The following MACC1 variants were observed in gnomAD, a reference collection of about 807,000 sequenced individuals.
MACC1 encodes the protein metastasis-associated in colon cancer protein 1.
Under a neutral mutation model 70.7 loss-of-function variants are expected in MACC1, and 79 were observed. The ratio of observed to expected loss-of-function variants is 1.12; its 90% confidence interval spans 0.93 to 1.35. MACC1 has a LOEUF of 1.35. Ranked by LOEUF, MACC1 falls within the 40% of genes most tolerant of loss-of-function variation. The pLI is 0.00. For missense variants in MACC1, 1,106 were observed against 978.1 expected, an observed-to-expected ratio of 1.13 and a Z score of -1.74; for synonymous variants, 361 against 347.2, an observed-to-expected ratio of 1.04 and a Z score of -0.44.
intron 1 of MACC1, among the ~76,000 whole-genome samples, chr7:20,173,171 A>G (rs1403845223): frequency 6.6e-6 from 1 of 152,216 alleles, no homozygotes; most frequent in South Asian, 2.1e-4. Flanking sequence ...TTTCTGGGAG[A>G]TAAATTGAGA....
At chr7:20,186,017 C>A (rs117969758) in intron 1 of MACC1, among the ~76,000 whole-genome samples, 1 of 147,956 alleles carries the variant, frequency 6.8e-6, no homozygotes. Flanking sequence ...TGGCGAATGT[C>A]CTTGGACCCT....
chr7:20,138,179 A>AAAAAAAAAAAAAAAAAAAAAAC lies in MACC1; in HGVS notation c.*2766_*2767insGTTTTTTTTTTTTTTTTTTTTT, dbSNP rs1562576802. On this transcript the variant is annotated 3_prime_UTR_variant, in exon 7 of 7. Transcript: ENST00000400331. ...AAAAAAAAAAAAAAAAAAAAAAAAA[A>AAAAAAAAAAAAAAAAAAAAAAC]AAATTTCCCCTGGAAGGATTTGTTA... 1.1e-4 allele frequency: 16 copies of AAAAAAAAAAAAAAAAAAAAAAC among 139,360 alleles called. No individual in the cohort carries two copies. The highest frequency in any genetic ancestry group is 2.1e-4 in the Admixed American group (3 of 14,272). 8.6% of individuals were successfully genotyped at this position (139,360 alleles called of 1,614,324 possible). A position where few individuals can be genotyped will look rare whatever the true frequency, so the allele number is the denominator to read the frequency against.
chr7:20,154,049 A>C (rs1422082340), intron 6 of MACC1, 144 bp downstream of exon 6: 7 of 736,994 alleles, frequency 9.5e-6, no homozygotes, highest in Non-Finnish European at 6.8e-6. Context: ...GATAGTACTG[A>C]TGAGTTACTA....
rs1782111569 is a variant in MACC1 at position 20,159,614 on chromosome 7, C to T, written c.747G>A (p.Val249=). 2 of 1,614,034 alleles carry T rather than the reference C, an allele frequency of 1.2e-6. No homozygotes were observed. Among genetic ancestry groups the T allele is most frequent in the East Asian group, 2.2e-5 (1 of 44,890 alleles). Residue 249 remains valine (V), a synonymous_variant, in exon 5 of 7, where the codon GTG becomes GTA. Coordinates refer to ENST00000400331, the MANE Select transcript of MACC1 (RefSeq NM_182762.4). The part of the protein sequence containing the change: ...GHVAVGEFQE[V]SLRAFLDPPH... ...GCGGATCAAGGAAAGCCCTTAGAGA[C>T]ACCTCTTGGAATTCTCCCACAGCCA...
At chr7:20,196,350 T>C (rs182929327) in intron 1 of MACC1, among the ~76,000 whole-genome samples, 19 of 152,072 alleles carry the variant, frequency 1.2e-4, no homozygotes, top group African/African-American at 4.1e-4. Flanking sequence ...CCGGCTAATT[T>C]TTTGTATTTT....
At chr7:20,143,851 T>C (rs538952317) in intron 6 of MACC1, among the ~76,000 whole-genome samples, 13 of 152,172 alleles carry the variant, frequency 8.5e-5, no homozygotes, top group Non-Finnish European at 1.6e-4. Context: ...AGGGGGAATA[T>C]TGCCCTAAAC....
chr7:20,158,253 T>A lies in MACC1; in HGVS notation c.2108A>T (p.Asp703Val), dbSNP rs574575235. The part of the protein sequence containing the change: ...VSYVIKKLKE[D>V]CHTERNTRKF... ...CCTTGTATTTCTCTCTGTGTGGCAA[T>A]CTTCCTTTAACTTCTTTATAACATA... Residue 703 changes from aspartate to valine, a missense_variant, in exon 5 of 7, where the codon GAT becomes GTT. Asp to Val is a radical substitution (Grantham distance 152). Transcript: ENST00000400331. The A allele has an allele frequency of 3.9e-5, 62 of 1,603,934 alleles. No homozygotes were observed. The Admixed American group carries it at 9.7e-4, about 25-fold the overall frequency.
Position 20,136,912 on chromosome 7 carries a change from GATT to G in MACC1, c.*4031_*4033del, listed in dbSNP as rs1386534208. 6.8e-6 allele frequency: 1 copy of G among 147,214 alleles called. No individual in the cohort carries two copies. The highest frequency in any genetic ancestry group is 1.5e-5 in the Non-Finnish European group (1 of 66,916). 9.1% of individuals were successfully genotyped at this position (147,214 alleles called of 1,614,324 possible). A position where few individuals can be genotyped will look rare whatever the true frequency, so the allele number is the denominator to read the frequency against. On this transcript the variant is annotated 3_prime_UTR_variant, in exon 7 of 7. Coordinates refer to ENST00000400331, the MANE Select transcript of MACC1 (RefSeq NM_182762.4). ...TTAAATTATATTATTAATTCTTAAA[GATT>G]ATTAATTATAATATTAAATTATAAT...
At position 20,141,050 on chromosome 7, in the gene MACC1, T is replaced by G. The variant is rs141024206; in HGVS notation, c.2455A>C (p.Asn819His). ...TCTCTCCAGTGTTTAGTCACAGGGT[T>G]TTTCATTCTGTCCAAAGCTGACTGA... ...DLQSALDRMK[N>H]PVTKHWRELT... Residue 819 changes from asparagine (N) to histidine (H), a missense_variant, in exon 7 of 7, where the codon AAC (asparagine) becomes CAC (histidine). Coordinates refer to ENST00000400331, the MANE Select transcript of MACC1 (RefSeq NM_182762.4). 6.2e-7 allele frequency: 1 copy of G among 1,613,896 alleles called. No individual in the cohort carries two copies. Among genetic ancestry groups the G allele is most frequent in the Non-Finnish European group, 8.5e-7 (1 of 1,179,910 alleles).
At chr7:20,144,315 T>C (rs58470155) in intron 6 of MACC1, among the ~76,000 whole-genome samples, 7,478 of 152,212 alleles carry the variant, frequency 0.049, 623 homozygotes, top group African/African-American at 0.17. Context: ...AAATAGGATG[T>C]GATAATTACA....
At chr7:20,211,882 A>G (rs1441643028) in intron 1 of MACC1, among the ~76,000 whole-genome samples, 3 of 152,224 alleles carry the variant, frequency 2.0e-5, no homozygotes, top group Non-Finnish European at 4.4e-5. Context: ...TGCTGTAAGA[A>G]TAGACATGGA....
At chr7:20,160,349 T>C (rs1367245724) in intron 4 of MACC1, 104 bp from the exon 5 acceptor site, 1 of 1,361,182 alleles carries the variant, frequency 7.3e-7, no homozygotes, top group African/African-American at 1.5e-5. Flanking sequence ...GACTTACTTT[T>C]CATTTTTCTT....
intron 1 of MACC1, among the ~76,000 whole-genome samples, chr7:20,182,850 C>T (rs892468290): frequency 6.6e-6 from 1 of 152,154 alleles, no homozygotes; most frequent in Non-Finnish European, 1.5e-5. Context: ...GCAGCAATAT[C>T]TACAATACAC....
At chr7:20,182,175 C>A (rs62452991) in intron 1 of MACC1, among the ~76,000 whole-genome samples, 43,352 of 131,904 alleles carry the variant, frequency 0.33, 7,964 homozygotes, top group East Asian at 0.82. Context: ...GGAACATCAC[C>A]CACTGGGGAC....
At chr7:20,162,846 C>T (rs967442173) in intron 3 of MACC1, among the ~76,000 whole-genome samples, 1 of 152,090 alleles carries the variant, frequency 6.6e-6, no homozygotes. Context: ...GTCTAGAGAT[C>T]GTCTTTATGT....
At chr7:20,162,059 T>A (rs980949757) in intron 3 of MACC1, among the ~76,000 whole-genome samples, 189 bp from the exon 4 acceptor site, 4 of 152,030 alleles carry the variant, frequency 2.6e-5, no homozygotes, top group Admixed American at 2.0e-4. Flanking sequence ...CACTAAAAAA[T>A]GATCAAATTC....
Position 20,159,446 on chromosome 7 carries a change from C to T in MACC1, c.915G>A (p.Met305Ile), listed in dbSNP as rs767450824. 6.2e-7 allele frequency: 1 copy of T among 1,613,900 alleles called. No homozygotes were observed. Among genetic ancestry groups the T allele is most frequent in the African/African-American group, 1.3e-5 (1 of 74,928 alleles). ...EVRKDPFSQV[M>I]TEMVCLHSLG... is the part of the protein sequence containing the mutation. ...AGCTGTGTAAACACACCATTTCTGT[C>T]ATGACTTGGCTGAAAGGATCCTTTC... The change falls in exon 5 of 7, where the codon ATG (methionine) becomes ATA (isoleucine). Residue 305 changes from methionine to isoleucine, a missense_variant. Met to Ile is a conservative substitution (Grantham distance 10). Coordinates refer to ENST00000400331, the MANE Select transcript of MACC1 (RefSeq NM_182762.4).
chr7:20,187,836 G>A (rs1214116572), intron 1 of MACC1, among the ~76,000 whole-genome samples: 6 of 152,094 alleles, frequency 3.9e-5, no homozygotes, highest in African/African-American at 7.2e-5. Flanking sequence ...TGCCCCTGGT[G>A]ACCTTGCTTC....
chr7:20,189,396 T>C (rs532211407), intron 1 of MACC1, among the ~76,000 whole-genome samples: 1 of 152,310 alleles, frequency 6.6e-6, no homozygotes, highest in African/African-American at 2.4e-5. Context: ...TAGCACATAG[T>C]AGGTGCTCAA....
Sources: allele counts gnomAD v4.1 joint callset (sites outside exome capture counted in the v4.1 genomes callset), GRCh38; gene constraint gnomAD v4.1.1; transcripts MANE v1.5; gene names NCBI Gene and HGNC (gene_info 2026-07-23, HGNC 2026-07-21).